Variants in SLU7 observed in about 807,000 individuals in gnomAD.
SLU7 encodes pre-mRNA-splicing factor SLU7.
SLU7 carries 60 observed loss-of-function variants against 87.0 expected under a neutral mutation model. The ratio of observed to expected loss-of-function variants is 0.69; its 90% CI spans 0.56 to 0.86. The LOEUF is 0.86. SLU7 is among the 40% of genes least tolerant of loss of function. SLU7 has a pLI of 0.00. For synonymous variants in SLU7, 197 were observed against 222.0 expected (o/e 0.89, Z 1.00); for missense variants, 507 against 686.6 (o/e 0.74, Z 2.92).
intron 1 of SLU7, 110 bp from the exon 2 acceptor site, chr5:160,415,420 CTATAT>C (rs973552230): frequency 1.3e-6 from 1 of 765,930 alleles, no homozygotes; most frequent in African/African-American, 1.8e-5. Context: ...TTTTTTTCTC[CTATAT>C]TATGTGTAAG....
Position 160,407,644 on chromosome 5 carries a change from T to C in SLU7, c.986-29A>G, listed in dbSNP as rs746465688. ...GAGTAATTCAAAACATCTTAGTGAG[T>C]TGGCAGCTGCATTACTGTATGCTTC... On this transcript the variant is annotated intron_variant, in intron 10 of 15. Coordinates refer to ENST00000297151, the MANE Select transcript of SLU7 (RefSeq NM_006425.5). This position sits in a 1 kb window ranked among gnomAD's most constrained non-coding sequence, Gnocchi z 4.2. 52 of 1,606,094 alleles carry C rather than the reference T, an allele frequency of 3.2e-5. No individual in the cohort carries two copies. In the Middle Eastern group the frequency reaches 5.0e-4, roughly 15 times the overall value.
At chr5:160,412,551 A>G in intron 5 of SLU7, 32 bp from the exon 6 acceptor site, 1 of 1,346,872 alleles carries the variant, frequency 7.4e-7, no homozygotes, top group Non-Finnish European at 1.0e-6. Flanking sequence ...AGAAAGAAAG[A>G]AAAAGTAAAC....
intron 4 of SLU7, 36 bp downstream of exon 4, chr5:160,413,863 G>T: frequency 7.1e-7 from 1 of 1,411,800 alleles, no homozygotes; most frequent in South Asian, 1.3e-5. Flanking sequence ...GAAAGACTCT[G>T]ACAACGGTTT....
At chr5:160,409,580 A>T (rs1041060667) in intron 6 of SLU7, among the ~76,000 whole-genome samples, 60 of 152,330 alleles carry the variant, frequency 3.9e-4, no homozygotes, top group African/African-American at 1.4e-3. Context: ...ACACTTCTAG[A>T]AGGTTATCCT....
At chr5:160,408,185 G>T in intron 8 of SLU7, 117 bp from the exon 9 acceptor site, 2 of 1,150,454 alleles carry the variant, frequency 1.7e-6, no homozygotes, top group Non-Finnish European at 1.3e-6. Context: ...CATTTCTGGG[G>T]TTCAGGTGAA....
At chr5:160,413,645 T>G in intron 4 of SLU7, 25 bp from the exon 5 acceptor site, 1 of 1,585,726 alleles carries the variant, frequency 6.3e-7, no homozygotes, top group Non-Finnish European at 8.6e-7. Flanking sequence ...AGATTTAATC[T>G]TTTCCTAAGT....
At position 160,402,350 on chromosome 5, in the gene SLU7, C is replaced by T. The variant is rs1764816917; in HGVS notation, c.*935G>A. On this transcript the variant is annotated 3_prime_UTR_variant, in exon 16 of 16. Transcript: ENST00000297151. ...CTACTACTGATCAGTCAATATTGAC[C>T]CAATGATGAGAAAATAGTTGTTTTC... 1 of 151,964 alleles carries T rather than the reference C, an allele frequency of 6.6e-6. No homozygotes were observed. The highest frequency in any genetic ancestry group is 2.4e-5 in the African/African-American group (1 of 41,358). The allele number at this position is 151,964 out of a possible 1,614,324, so 9.4% of individuals were successfully genotyped here. A position where few individuals can be genotyped will look rare whatever the true frequency, so the allele number is the denominator to read the frequency against.
chr5:160,418,398 GTATGT>G (rs1765543567), intron 1 of SLU7, among the ~76,000 whole-genome samples: 1 of 152,168 alleles, frequency 6.6e-6, no homozygotes, highest in Non-Finnish European at 1.5e-5. Context: ...CTCTAAACCA[GTATGT>G]TATACTTGTC....
rs1430753768 is a variant in SLU7 at position 160,413,519 on chromosome 5, C to A, written c.507G>T (p.Arg169=). ...GTTCTTCTGGATTGTAGCCATTCCA[C>A]CGATCCCTCTTCCCATCATAGTCAA... is the stretch of plus-strand genomic sequence containing the variant. The part of the protein sequence containing the change: ...LMFDYDGKRD[R]WNGYNPEEHM... Residue 169 remains arginine (R), a synonymous_variant, in exon 5 of 16, where the codon CGG becomes CGT. Coordinates refer to ENST00000297151, the MANE Select transcript of SLU7 (RefSeq NM_006425.5). The A allele has an allele frequency of 6.2e-7, 1 of 1,614,018 alleles. No individual in the cohort carries two copies. The highest frequency in any genetic ancestry group is 1.1e-5 in the South Asian group (1 of 91,082).
intron 1 of SLU7, among the ~76,000 whole-genome samples, chr5:160,418,197 T>C (rs984336899): frequency 1.3e-5 from 2 of 152,224 alleles, no homozygotes; most frequent in African/African-American, 4.8e-5. Context: ...TAATCTTTAT[T>C]AAAACAGCTA....
chr5:160,407,755 G>A lies in SLU7; in HGVS notation c.976C>T (p.Gln326Ter). 6.2e-7 allele frequency: 1 copy of A among 1,612,296 alleles called. No homozygotes were observed. Among genetic ancestry groups the A allele is most frequent in the East Asian group, 2.2e-5 (1 of 44,854 alleles). Residue 326 changes from glutamine (Q) to a stop codon, truncating the protein, a stop_gained, in exon 10 of 16, where the codon CAG (glutamine) becomes TAG (stop). Transcript: ENST00000297151. LOFTEE classifies it high-confidence loss of function. The surrounding 1 kb of genome is among the most constrained non-coding windows in gnomAD (Gnocchi z 4.2). ...RYTGDTISMA[Q>*]TQLFAWEAYD... ...TAGAGGAAACACTTACACTGTGTCTGAGCCATTGAAATGGTATCTCCTGTG... is the reference window on the plus strand; with the variant it reads ...TAGAGGAAACACTTACACTGTGTCTAAGCCATTGAAATGGTATCTCCTGTG...
At chr5:160,409,705 A>G (rs933961493) in intron 6 of SLU7, among the ~76,000 whole-genome samples, 1 of 152,192 alleles carries the variant, frequency 6.6e-6, no homozygotes, top group Non-Finnish European at 1.5e-5. Flanking sequence ...CTGGTTATAT[A>G]ATGTATTGCA....
intron 6 of SLU7, among the ~76,000 whole-genome samples, chr5:160,411,374 A>G (rs2113141816): frequency 6.6e-6 from 1 of 151,958 alleles, no homozygotes; most frequent in Admixed American, 6.6e-5. Context: ...GCTCGCCACC[A>G]CACCCAGCTA....
intron 12 of SLU7, among the ~76,000 whole-genome samples, chr5:160,406,019 T>C (rs2113107205): frequency 6.6e-6 from 1 of 152,346 alleles, no homozygotes; most frequent in Non-Finnish European, 1.5e-5. Flanking sequence ...ATAATGTTAA[T>C]TTTCTGAAGT....
chr5:160,403,581 T>C (rs1269544884), intron 15 of SLU7, 117 bp from the exon 16 acceptor site: 5 of 827,702 alleles, frequency 6.0e-6, no homozygotes, highest in Non-Finnish European at 3.6e-6. Context: ...AAAACGCAGA[T>C]TGCCTGAAAG....
chr5:160,409,304 T>G (rs934097348), intron 6 of SLU7, among the ~76,000 whole-genome samples: 1 of 152,176 alleles, frequency 6.6e-6, no homozygotes, highest in Non-Finnish European at 1.5e-5. Flanking sequence ...AGGATACACT[T>G]TTCTTCGCTA....
At chr5:160,413,843 A>G (rs1267089821) in intron 4 of SLU7, 56 bp downstream of exon 4, 1 of 1,268,000 alleles carries the variant, frequency 7.9e-7, no homozygotes, top group African/African-American at 1.5e-5. Flanking sequence ...GCTCTCTGAC[A>G]AAGAAAAAAG....
In SLU7 at chr5:160,413,905, G is replaced by A. The variant is rs1475252844; in HGVS notation, c.399C>T (p.Cys133=). 1.9e-6 allele frequency: 3 copies of A among 1,590,108 alleles called. No homozygotes were observed. The highest frequency in any genetic ancestry group is 2.6e-6 in the Non-Finnish European group (3 of 1,170,754). ...TTTTCAAAGGTGAACTTACCTCAAAGCAGTCTTTCTTTTTGTGTGTCATGG... is the reference window on the plus strand; with the variant it reads ...TTTTCAAAGGTGAACTTACCTCAAAACAGTCTTTCTTTTTGTGTGTCATGG... ...CGAMTHKKKD[C]FERPRRVGAK... is the part of the protein sequence containing the mutation. The change falls in exon 4 of 16, where the codon TGC becomes TGT. Residue 133 remains cysteine, a synonymous_variant. Coordinates refer to ENST00000297151, the MANE Select transcript of SLU7 (RefSeq NM_006425.5).
chr5:160,418,737 G>C (rs1765559213), intron 1 of SLU7: 1 of 152,214 alleles, frequency 6.6e-6, no homozygotes, highest in South Asian at 2.1e-4. Context: ...AGCTTTCCCT[G>C]CTCGCAGTCC....
Sources: gnomAD v4.1 joint callset for allele counts (sites outside exome capture counted in the v4.1 genomes callset) on GRCh38, gnomAD v4.1.1 for gene constraint, Gnocchi (gnomAD v3.1) non-coding constraint, MANE v1.5 for transcripts, NCBI Gene and HGNC (gene_info 2026-07-23, HGNC 2026-07-21) for gene names.